ZCCHC7: variants seen among roughly 807,000 people sequenced by gnomAD.
ZCCHC7 encodes zinc finger CCHC domain-containing protein 7.
ZCCHC7 carries 35 observed loss-of-function variants against 52.0 expected under a neutral mutation model. That is an observed-to-expected ratio of 0.67 (90% confidence interval 0.51 to 0.89). The LOEUF (loss-of-function observed/expected upper bound fraction) is 0.89, where lower values mean the gene tolerates loss of function less well. ZCCHC7 is among the 40% of genes least tolerant of loss of function. The pLI, the probability that ZCCHC7 is intolerant of heterozygous loss-of-function variation, is 0.00. For missense variants in ZCCHC7, 574 were observed against 649.1 expected (o/e 0.88, Z 1.26); for synonymous variants, 217 against 221.5 (o/e 0.98, Z 0.18).
intron 2 of ZCCHC7, among the ~76,000 whole-genome samples, chr9:37,272,016 C>T (rs1827440333): frequency 6.6e-6 from 1 of 152,062 alleles, no homozygotes; most frequent in Non-Finnish European, 1.5e-5. Flanking sequence ...AAAGCTGGAA[C>T]TTTGGGAGTT....
At chr9:37,337,042 C>G (rs1830702106) in intron 6 of ZCCHC7, among the ~76,000 whole-genome samples, 1 of 152,126 alleles carries the variant, frequency 6.6e-6, no homozygotes, top group East Asian at 1.9e-4. Context: ...GATTATTTAA[C>G]CTTTCAATTT....
At chr9:37,279,865 A>T (rs1042306170) in intron 2 of ZCCHC7, among the ~76,000 whole-genome samples, 3 of 151,344 alleles carry the variant, frequency 2.0e-5, no homozygotes, top group Middle Eastern at 3.5e-3. Flanking sequence ...GTAAACAAGG[A>T]TGTTTCCCAC....
At chr9:37,302,307 C>T in intron 3 of ZCCHC7, 76 bp downstream of exon 3, 1 of 1,241,658 alleles carries the variant, frequency 8.1e-7, no homozygotes. Flanking sequence ...ACTTTTGGAA[C>T]ATTAATAAGT....
intron 2 of ZCCHC7, among the ~76,000 whole-genome samples, chr9:37,204,102 G>A (rs751601165): frequency 1.2e-4 from 19 of 152,092 alleles, no homozygotes; most frequent in South Asian, 4.2e-4. Context: ...TGTAAATGTC[G>A]TCTTTTGATA....
intron 2 of ZCCHC7, among the ~76,000 whole-genome samples, chr9:37,282,308 A>G (rs1271120561): frequency 1.3e-5 from 2 of 152,116 alleles, no homozygotes; most frequent in Non-Finnish European, 2.9e-5. Flanking sequence ...ATGATTTTTT[A>G]AAAGTTTAAA....
intron 6 of ZCCHC7, among the ~76,000 whole-genome samples, chr9:37,346,284 T>A (rs1310250393): frequency 6.6e-6 from 1 of 152,214 alleles, no homozygotes; most frequent in Non-Finnish European, 1.5e-5. Flanking sequence ...ATTATAGGCA[T>A]GAGCCACTGT....
intron 2 of ZCCHC7, among the ~76,000 whole-genome samples, chr9:37,215,063 A>G (rs1431772888): frequency 6.6e-6 from 1 of 152,146 alleles, no homozygotes; most frequent in Non-Finnish European, 1.5e-5. Context: ...AGTTATGAAT[A>G]TGAACATCTC....
chr9:37,145,990 T>C (rs1241300934), intron 2 of ZCCHC7, among the ~76,000 whole-genome samples: 1 of 151,950 alleles, frequency 6.6e-6, no homozygotes, highest in Admixed American at 6.6e-5. Flanking sequence ...TTTAAGTGAA[T>C]ATACCTGTAG....
intron 4 of ZCCHC7, among the ~76,000 whole-genome samples, 169 bp downstream of exon 4, chr9:37,304,482 C>T (rs963808037): frequency 2.6e-5 from 4 of 152,148 alleles, no homozygotes; most frequent in Admixed American, 6.5e-5. Context: ...TGAAAAACCC[C>T]GTCTCTACCA....
chr9:37,182,217 T>C (rs1364533958), intron 2 of ZCCHC7, among the ~76,000 whole-genome samples: 1 of 152,212 alleles, frequency 6.6e-6, no homozygotes, highest in Non-Finnish European at 1.5e-5. Context: ...AAAATTACAG[T>C]TGTCAGTCTT....
chr9:37,159,565 T>C (rs1307505040), intron 2 of ZCCHC7, among the ~76,000 whole-genome samples: 2 of 152,222 alleles, frequency 1.3e-5, no homozygotes, highest in African/African-American at 2.4e-5. Context: ...TCTGCTGTTA[T>C]AGCTGACATT....
chr9:37,258,568 G>A (rs1213538048), intron 2 of ZCCHC7, among the ~76,000 whole-genome samples: 3 of 151,846 alleles, frequency 2.0e-5, no homozygotes, highest in Non-Finnish European at 4.4e-5. Flanking sequence ...AGCAACCTGG[G>A]CAACATGGTG....
chr9:37,257,614 A>G (rs1826652138), intron 2 of ZCCHC7, among the ~76,000 whole-genome samples: 1 of 151,924 alleles, frequency 6.6e-6, no homozygotes, highest in South Asian at 2.1e-4. Context: ...GTGGAGAACT[A>G]TTTAATTTTT....
At chr9:37,297,533 A>T (rs947278167) in intron 2 of ZCCHC7, among the ~76,000 whole-genome samples, 6 of 152,332 alleles carry the variant, frequency 3.9e-5, no homozygotes, top group Middle Eastern at 3.4e-3. Context: ...ATACATACCT[A>T]CCTTTTGGTG....
chr9:37,166,528 T>C (rs1476818765), intron 2 of ZCCHC7, among the ~76,000 whole-genome samples: 3 of 152,134 alleles, frequency 2.0e-5, no homozygotes, highest in Admixed American at 2.0e-4. Flanking sequence ...TTCACTGATT[T>C]TTCTCTATTT....
At chr9:37,249,115 T>C (rs901231694) in intron 2 of ZCCHC7, among the ~76,000 whole-genome samples, 1 of 152,202 alleles carries the variant, frequency 6.6e-6, no homozygotes, top group Non-Finnish European at 1.5e-5. Flanking sequence ...GGGGAGATGG[T>C]TACATCAACC....
intron 2 of ZCCHC7, among the ~76,000 whole-genome samples, chr9:37,198,048 A>T (rs1823381543): frequency 6.6e-6 from 1 of 152,252 alleles, no homozygotes; most frequent in South Asian, 2.1e-4. Context: ...TGTTCCTCAT[A>T]ACAAAGCCTA....
At chr9:37,144,992 T>C (rs1843376626) in intron 2 of ZCCHC7, 4 of 152,024 alleles carry the variant, frequency 2.6e-5, no homozygotes, top group Admixed American at 2.6e-4. Context: ...GAGAGATGAC[T>C]GAAAAGTGAG....
intron 2 of ZCCHC7, among the ~76,000 whole-genome samples, chr9:37,175,671 G>A (rs1040890443): frequency 1.3e-5 from 2 of 152,140 alleles, no homozygotes; most frequent in African/African-American, 4.8e-5. Flanking sequence ...CCCCGAGGAG[G>A]CTGACGCTGC....
Sources: gnomAD v4.1 joint callset for allele counts (sites outside exome capture counted in the v4.1 genomes callset) on GRCh38, gnomAD v4.1.1 for gene constraint, MANE v1.5 for transcripts, NCBI Gene and HGNC (gene_info 2026-07-23, HGNC 2026-07-21) for gene names.